Variants in ADGB observed in about 807,000 individuals in gnomAD.
The protein encoded by ADGB is androglobin.
A neutral mutation model predicts 210.5 loss-of-function variants in ADGB; 172 were observed. The observed-to-expected ratio is 0.82, with a 90% CI of 0.72 to 0.93. The LOEUF (loss-of-function observed/expected upper bound fraction) is 0.93, where lower values mean the gene tolerates loss of function less well. Among genes scored for constraint, ADGB ranks in the 40% least tolerant of loss-of-function variants. ADGB has a pLI of 0.00. For synonymous variants in ADGB, 658 were observed against 662.7 expected, an observed-to-expected ratio of 0.99 and a Z score of 0.11; for missense variants, 2,025 against 1,964.8, an observed-to-expected ratio of 1.03 and a Z score of -0.58.
intron 23 of ADGB, among the ~76,000 whole-genome samples, chr6:146,739,253 G>C (rs1020101071): frequency 3.9e-5 from 6 of 151,992 alleles, no homozygotes; most frequent in African/African-American, 1.5e-4. Context: ...GTGATTTACA[G>C]GGGTGTCATG....
At chr6:146,781,525 T>A (rs991961552) in intron 29 of ADGB, among the ~76,000 whole-genome samples, 1 of 150,738 alleles carries the variant, frequency 6.6e-6, no homozygotes, top group African/African-American at 2.4e-5. Flanking sequence ...AATATATAGC[T>A]ACAAATGCTT....
intron 28 of ADGB, among the ~76,000 whole-genome samples, chr6:146,766,439 T>TTAAAA (rs1465937071): frequency 7.3e-5 from 10 of 137,486 alleles, no homozygotes; most frequent in African/African-American, 2.6e-4. Context: ...TAAAATTAAA[T>TTAAAA]TAAATTAAAT....
chr6:146,626,497 C>T (rs1339597306), intron 1 of ADGB, among the ~76,000 whole-genome samples: 2 of 151,860 alleles, frequency 1.3e-5, no homozygotes, highest in Non-Finnish European at 2.9e-5. Context: ...ACAAAAAGCA[C>T]TTATGTCCCT....
At chr6:146,669,116 G>T (rs1775973868) in intron 7 of ADGB, among the ~76,000 whole-genome samples, 3 of 152,084 alleles carry the variant, frequency 2.0e-5, no homozygotes, top group African/African-American at 7.2e-5. Flanking sequence ...TTTGCTGGTT[G>T]TGTGATGCCA....
At chr6:146,799,674 G>A (rs1241164599) in intron 33 of ADGB, among the ~76,000 whole-genome samples, 1 of 151,900 alleles carries the variant, frequency 6.6e-6, no homozygotes, top group Non-Finnish European at 1.5e-5. Context: ...TTGAATATAT[G>A]TACCACTCTG....
chr6:146,785,232 G>C (rs1287158540), intron 31 of ADGB, among the ~76,000 whole-genome samples: 1 of 152,078 alleles, frequency 6.6e-6, no homozygotes, highest in Non-Finnish European at 1.5e-5. Flanking sequence ...AGACCCTAGA[G>C]AGTCTCTGAC....
At chr6:146,712,335 TC>T (rs1030550870) in intron 13 of ADGB, among the ~76,000 whole-genome samples, 1 of 145,640 alleles carries the variant, frequency 6.9e-6, no homozygotes, top group Non-Finnish European at 1.5e-5. Flanking sequence ...CAGGCACTTG[TC>T]ACCACACCAG....
chr6:146,796,870 C>T (rs1372311077), intron 33 of ADGB, among the ~76,000 whole-genome samples: 2 of 152,106 alleles, frequency 1.3e-5, no homozygotes, highest in East Asian at 3.8e-4. Context: ...TAAAAAGCTT[C>T]AGCACAGCAA....
intron 10 of ADGB, among the ~76,000 whole-genome samples, chr6:146,686,909 C>T (rs755523284): frequency 6.6e-6 from 1 of 152,102 alleles, no homozygotes; most frequent in Non-Finnish European, 1.5e-5. Flanking sequence ...TAGCTTGAAA[C>T]ATAAATATTC....
chr6:146,679,982 CTT>C (rs1776136038), intron 9 of ADGB, among the ~76,000 whole-genome samples: 1 of 152,058 alleles, frequency 6.6e-6, no homozygotes, highest in Non-Finnish European at 1.5e-5. Flanking sequence ...ATCATAGTAA[CTT>C]TAAAAAATTG....
chr6:146,729,630 G>C (rs1776949783), intron 20 of ADGB, among the ~76,000 whole-genome samples: 1 of 152,096 alleles, frequency 6.6e-6, no homozygotes. Context: ...AAATTGAAGA[G>C]ATGGGGTCTC....
intron 6 of ADGB, 177 bp downstream of exon 6, chr6:146,664,517 G>A: frequency 7.1e-6 from 4 of 560,678 alleles, no homozygotes; most frequent in Non-Finnish European, 1.1e-5. Flanking sequence ...TTTTCTATTA[G>A]GTTAACAATA....
At chr6:146,636,948 C>T (rs541539644) in intron 2 of ADGB, among the ~76,000 whole-genome samples, 1 of 152,146 alleles carries the variant, frequency 6.6e-6, no homozygotes, top group East Asian at 1.9e-4. Context: ...TGAATTCACC[C>T]TTTCCTCTAA....
intron 20 of ADGB, among the ~76,000 whole-genome samples, chr6:146,730,356 A>G (rs1002637742): frequency 8.3e-6 from 1 of 119,996 alleles, no homozygotes; most frequent in Non-Finnish European, 1.7e-5. Context: ...AGAGATTGCA[A>G]AGACAAAAAC....
intron 1 of ADGB, among the ~76,000 whole-genome samples, chr6:146,614,193 C>CT (rs1455580395): frequency 3.3e-5 from 4 of 121,584 alleles, no homozygotes; most frequent in African/African-American, 6.5e-5. Context: ...CCCTCCCTCC[C>CT]TCCCTCCCTT....
intron 29 of ADGB, among the ~76,000 whole-genome samples, chr6:146,777,441 C>A (rs553756769): frequency 1.3e-5 from 2 of 152,148 alleles, no homozygotes; most frequent in Non-Finnish European, 2.9e-5. Flanking sequence ...AAGCTCATGT[C>A]CTTCATGTTG....
intron 21 of ADGB, 138 bp downstream of exon 21, chr6:146,733,393 C>A: frequency 1.3e-6 from 1 of 797,490 alleles, no homozygotes; most frequent in Non-Finnish European, 1.8e-6. Flanking sequence ...TCTAAGAGCT[C>A]AAGGGGCTCC....
At chr6:146,694,676 C>T (rs1250024161) in intron 12 of ADGB, among the ~76,000 whole-genome samples, 1 of 152,080 alleles carries the variant, frequency 6.6e-6, no homozygotes, top group Non-Finnish European at 1.5e-5. Context: ...GCTTTTTTAG[C>T]TCCCTATCTA....
intron 1 of ADGB, among the ~76,000 whole-genome samples, chr6:146,622,944 A>G (rs1046951645): frequency 1.3e-5 from 2 of 152,086 alleles, no homozygotes; most frequent in Admixed American, 1.3e-4. Flanking sequence ...TTTTAGCACC[A>G]TTTGTTGAAA....
Sources: gnomAD v4.1 joint callset for allele counts (sites outside exome capture counted in the v4.1 genomes callset) on GRCh38, gnomAD v4.1.1 for gene constraint, MANE v1.5 for transcripts, NCBI Gene and HGNC (gene_info 2026-07-23, HGNC 2026-07-21) for gene names.